PLCB4: variants seen among roughly 807,000 people sequenced by gnomAD.
PLCB4 encodes the protein 1-phosphatidylinositol 4,5-bisphosphate phosphodiesterase beta-4.
Under a neutral mutation model 178.8 loss-of-function variants are expected in PLCB4, and 77 were observed. The ratio of observed to expected loss-of-function variants is 0.43; its 90% CI spans 0.36 to 0.52. The LOEUF (loss-of-function observed/expected upper bound fraction) is 0.52, where lower values mean the gene tolerates loss of function less well. Among genes scored for constraint, PLCB4 ranks in the 20% least tolerant of loss-of-function variants. The pLI is 0.00. For synonymous variants in PLCB4, 496 were observed against 490.8 expected (o/e 1.01, Z -0.14); for missense variants, 1,024 against 1,453.4 (o/e 0.70, Z 4.80).
rs35652006 is a variant in PLCB4, at chr20:9,365,096, A to G, written c.450-365A>G. On this transcript the variant is annotated intron_variant, in intron 8 of 39. Transcript: ENST00000378473. ...AAGTACCAACAATGTGTTTTGCTCA[A>G]TGGAGGCACCCAGTCATCTCATTTA... Among the ~76,000 whole-genome samples the G allele has an allele frequency of 7.3e-3, 1,111 of 152,358 alleles. 4 individuals carry two copies. The highest frequency in any genetic ancestry group is 0.02 in the Middle Eastern group (6 of 294).
chr20:9,122,259 A>G (rs1040926333), intron 2 of PLCB4, among the ~76,000 whole-genome samples: 8 of 151,642 alleles, frequency 5.3e-5, no homozygotes, highest in Non-Finnish European at 4.4e-5. Context: ...AAAAATTACT[A>G]TAACTATAAC....
intron 25 of PLCB4, among the ~76,000 whole-genome samples, chr20:9,414,333 T>A (rs1283978838): frequency 6.6e-6 from 1 of 152,160 alleles, no homozygotes; most frequent in African/African-American, 2.4e-5. Flanking sequence ...GAAATTGCCG[T>A]CACCTGCATG....
At chr20:9,435,754 G>T in intron 29 of PLCB4, 106 bp downstream of exon 29, 1 of 674,360 alleles carries the variant, frequency 1.5e-6, no homozygotes, top group Non-Finnish European at 2.6e-6. Flanking sequence ...TTTAAGGAGG[G>T]TTTTTAAAAC....
chr20:9,288,418 T>C (rs2094553258), intron 3 of PLCB4, among the ~76,000 whole-genome samples: 1 of 151,954 alleles, frequency 6.6e-6, no homozygotes, highest in African/African-American at 2.4e-5. Context: ...TTTTTTTTTT[T>C]TTAACTTCTA....
intron 2 of PLCB4, among the ~76,000 whole-genome samples, chr20:9,132,412 T>C (rs2146820360): frequency 6.6e-6 from 1 of 152,310 alleles, no homozygotes. Flanking sequence ...TTAAGAGTAA[T>C]AGCTCTTTTA....
chr20:9,476,371 G>A (rs554693721), intron 38 of PLCB4, among the ~76,000 whole-genome samples: 53 of 152,094 alleles, frequency 3.5e-4, no homozygotes, highest in African/African-American at 1.2e-3. Flanking sequence ...CTCCATTACT[G>A]TCACACACTC....
chr20:9,252,605 A>G (rs1601444731), intron 3 of PLCB4, among the ~76,000 whole-genome samples: 1 of 152,172 alleles, frequency 6.6e-6, no homozygotes, highest in South Asian at 2.1e-4. Flanking sequence ...TTTATATGTC[A>G]ACTTGACTGG....
Position 9,270,200 on chromosome 20 carries a change from G to A in PLCB4, c.-15-37600G>A, listed in dbSNP as rs1011025389. On this transcript the variant is annotated intron_variant, in intron 3 of 39. Coordinates refer to ENST00000378473, the MANE Select transcript of PLCB4 (RefSeq NM_001377142.1). ...TTTTTCTTTTTATTTATTTTAAAAG[G>A]TACAAACAGTAAAATTCATACTTTT... 5.3e-5 allele frequency among the ~76,000 whole-genome samples: 8 copies of A among 152,022 alleles called. No homozygotes were observed. The South Asian group carries it at 8.3e-4, about 16-fold the overall frequency.
rs1403821121 is a variant in PLCB4 at position 9,469,750 on chromosome 20, C to T, written c.3350+1078C>T. On this transcript the variant is annotated intron_variant, in intron 36 of 39. Transcript: ENST00000378473. ...GAGACTGGGGGGAAGGTTTGTGTGTCCTCTATAGAAGGTGCCAAGTGCAAG... is the reference window on the plus strand; with the variant it reads ...GAGACTGGGGGGAAGGTTTGTGTGTTCTCTATAGAAGGTGCCAAGTGCAAG... Among the ~76,000 whole-genome samples the T allele has an allele frequency of 3.9e-5, 6 of 152,200 alleles. No homozygotes were observed. In the South Asian group the frequency reaches 6.2e-4, roughly 16 times the overall value.
In PLCB4 at chr20:9,334,570, A is replaced by G. The variant is rs561900390; in HGVS notation, c.85-2556A>G. Among the ~76,000 whole-genome samples the G allele has an allele frequency of 2.6e-5, 4 of 152,302 alleles. No individual in the cohort carries two copies. The East Asian group carries it at 7.7e-4, about 29-fold the overall frequency. ...GTGATTTTCACCACCAAGTTTGGTG[A>G]TAAAGTATGCATAAAATAGACTTCG... On this transcript the variant is annotated intron_variant, in intron 4 of 39. Transcript: ENST00000378473.
intron 2 of PLCB4, among the ~76,000 whole-genome samples, chr20:9,168,639 A>T (rs1330984504): frequency 6.6e-6 from 1 of 152,138 alleles, no homozygotes; most frequent in East Asian, 1.9e-4. Context: ...ACTAGCGAGG[A>T]GCTACACCAC....
intron 32 of PLCB4, among the ~76,000 whole-genome samples, chr20:9,449,606 CA>C (rs1264158896): frequency 6.6e-6 from 1 of 152,140 alleles, no homozygotes; most frequent in African/African-American, 2.4e-5. Context: ...TAGGAAAAAA[CA>C]AAACAAAATC....
At chr20:9,179,588 C>T (rs781611795) in intron 2 of PLCB4, among the ~76,000 whole-genome samples, 3 of 152,102 alleles carry the variant, frequency 2.0e-5, no homozygotes, top group African/African-American at 4.8e-5. Flanking sequence ...ATTACAGGAG[C>T]AATAGAAAAC....
chr20:9,368,820 G>A (rs1045973740), intron 9 of PLCB4, among the ~76,000 whole-genome samples: 6 of 152,138 alleles, frequency 3.9e-5, no homozygotes, highest in African/African-American at 1.4e-4. Context: ...AATAGGACTG[G>A]ACACAACTCA....
chr20:9,298,544 A>G (rs1324361571), intron 3 of PLCB4, among the ~76,000 whole-genome samples: 1 of 152,108 alleles, frequency 6.6e-6, no homozygotes, highest in East Asian at 1.9e-4. Flanking sequence ...TAAAATCCTG[A>G]TAGATTGAAA....
chr20:9,364,910 G>A (rs1431271422), intron 8 of PLCB4, among the ~76,000 whole-genome samples: 4 of 152,232 alleles, frequency 2.6e-5, no homozygotes, highest in Non-Finnish European at 5.9e-5. Flanking sequence ...TGGAAATTAA[G>A]GAGGCGCCCA....
In PLCB4 at chr20:9,398,012, C is replaced by T. The variant is rs191659507; in HGVS notation, c.1510+2394C>T. ...ATGCTGGCAGTGGATGCTGGCTGAACGCTGGGAGCTCCGCTGGGCCTCACT... is the reference window on the plus strand; with the variant it reads ...ATGCTGGCAGTGGATGCTGGCTGAATGCTGGGAGCTCCGCTGGGCCTCACT... On this transcript the variant is annotated intron_variant, in intron 19 of 39. Transcript: ENST00000378473. 1.7e-3 allele frequency among the ~76,000 whole-genome samples: 254 copies of T among 152,222 alleles called. 1 individual carries two copies. Among genetic ancestry groups the T allele is most frequent in the African/African-American group, 5.9e-3 (245 of 41,540 alleles).
chr20:9,461,054 T>A (rs2043359045), intron 35 of PLCB4, among the ~76,000 whole-genome samples: 1 of 152,232 alleles, frequency 6.6e-6, no homozygotes, highest in African/African-American at 2.4e-5. Context: ...ATTGCTACAA[T>A]GCCAGATTTT....
intron 25 of PLCB4, among the ~76,000 whole-genome samples, chr20:9,414,005 G>A (rs1396348321): frequency 6.6e-6 from 1 of 152,138 alleles, no homozygotes; most frequent in Middle Eastern, 3.2e-3. Context: ...GCCTGCCTTG[G>A]CCTCCCAAAG....
Sources: allele counts gnomAD v4.1 joint callset (sites outside exome capture counted in the v4.1 genomes callset), GRCh38; gene constraint gnomAD v4.1.1; transcripts MANE v1.5; gene names NCBI Gene and HGNC (gene_info 2026-07-23, HGNC 2026-07-21).